MX2: variants seen among roughly 807,000 people sequenced by gnomAD.
The protein encoded by MX2 is MX dynamin like GTPase 2.
Under a neutral mutation model 74.0 loss-of-function variants are expected in MX2, and 51 were observed. That is an observed-to-expected ratio of 0.69 (90% CI 0.55 to 0.87). The LOEUF is 0.87. MX2 is among the 40% of genes least tolerant of loss of function. MX2 has a pLI of 0.00. For missense variants in MX2, 832 were observed against 908.7 expected, an observed-to-expected ratio of 0.92 and a Z score of 1.09; for synonymous variants, 369 against 339.3, an observed-to-expected ratio of 1.09 and a Z score of -0.96.
rs763913307 is a variant in MX2 at position 41,399,307 on chromosome 21, G to A, written c.1384G>A (p.Val462Ile). 40 of 1,614,010 alleles carry A rather than the reference G, an allele frequency of 2.5e-5. No homozygotes were observed. Among genetic ancestry groups the A allele is most frequent in the South Asian group, 2.0e-4 (18 of 91,082 alleles). ...AATCAGAGAGGATTTTAAAAACTGG[G>A]TAGGCATACTTGCAACTAATACCCA... ...NKIREDFKNWVGILATNTQKV... is the reference protein window; with the variant it reads ...NKIREDFKNWIGILATNTQKV... The change falls in exon 10 of 14, where the codon GTA becomes ATA. Residue 462 changes from valine to isoleucine, a missense_variant. By Grantham distance (29) the Val-to-Ile change is conservative (BLOSUM62 3). Transcript: ENST00000330714.
At chr21:41,395,847 T>G in intron 7 of MX2, 62 bp downstream of exon 7, 1 of 1,558,422 alleles carries the variant, frequency 6.4e-7, no homozygotes, top group Non-Finnish European at 8.8e-7. Flanking sequence ...TCTGCAAGAG[T>G]TGGCCCAGAT....
At chr21:41,401,465 A>G (rs1003536220) in intron 10 of MX2, 1 of 152,282 alleles carries the variant, frequency 6.6e-6, no homozygotes, top group African/African-American at 2.4e-5. Flanking sequence ...TCTTGCCGTC[A>G]CCCAGGCTGG....
chr21:41,392,629 G>A (rs961958380), intron 6 of MX2, among the ~76,000 whole-genome samples: 4 of 152,056 alleles, frequency 2.6e-5, no homozygotes, highest in Admixed American at 6.6e-5. Flanking sequence ...TTAATTACGC[G>A]AACTATAAAC....
chr21:41,405,029 C>T (rs1038855112), intron 12 of MX2, among the ~76,000 whole-genome samples: 1 of 152,086 alleles, frequency 6.6e-6, no homozygotes, highest in Non-Finnish European at 1.5e-5. Context: ...AAAGCCTAGG[C>T]CAGGTGTGGT....
Position 41,380,099 on chromosome 21 carries a change from C to T in MX2, c.525C>T (p.Asn175=). 1.2e-6 allele frequency: 2 copies of T among 1,614,012 alleles called. No individual in the cohort carries two copies. Among genetic ancestry groups the T allele is most frequent in the South Asian group, 1.1e-5 (1 of 91,080 alleles). ...GGGCCGGAAGGATCAGCTACCGGAACACCGAGCTAGAGCTTCAGGACCCTG... is the reference window on the plus strand; with the variant it reads ...GGGCCGGAAGGATCAGCTACCGGAATACCGAGCTAGAGCTTCAGGACCCTG... The part of the protein sequence containing the change: ...EAWAGRISYR[N]TELELQDPGQ... The change falls in exon 4 of 14, where the codon AAC becomes AAT. Residue 175 remains asparagine, a synonymous_variant. Coordinates refer to ENST00000330714, the MANE Select transcript of MX2 (RefSeq NM_002463.2). This position sits in a 1 kb window ranked among gnomAD's most constrained non-coding sequence, Gnocchi z 4.3.
chr21:41,403,047 A>G (rs1049569148), intron 11 of MX2: 1 of 508,574 alleles, frequency 2.0e-6, no homozygotes, highest in Admixed American at 3.2e-5. Context: ...AGGCACGGGA[A>G]ATGGACAGGA....
At chr21:41,392,429 G>C (rs566906617) in intron 6 of MX2, among the ~76,000 whole-genome samples, 89 of 152,328 alleles carry the variant, frequency 5.8e-4, no homozygotes, top group African/African-American at 2.1e-3. Flanking sequence ...CTAACACTGG[G>C]TGATTCTACC....
chr21:41,406,727 C>G lies in MX2; in HGVS notation c.1651-17C>G. The G allele has an allele frequency of 6.2e-7, 1 of 1,602,318 alleles. No homozygotes were observed. Among genetic ancestry groups the G allele is most frequent in the South Asian group, 1.1e-5 (1 of 89,182 alleles). On this transcript the variant is annotated splice_polypyrimidine_tract_variant and intron_variant, in intron 12 of 13. Coordinates refer to ENST00000330714, the MANE Select transcript of MX2 (RefSeq NM_002463.2). ...GAAGAAAAAGAAGTAATGTGTTTGT[C>G]TTTTTTATCTAACCAGAGCACGATT...
chr21:41,390,335 A>C (rs1013817747), intron 5 of MX2: 10 of 519,686 alleles, frequency 1.9e-5, no homozygotes, highest in Non-Finnish European at 3.1e-5. Context: ...GGTCTTCAGG[A>C]AAGAAGACAT....
intron 1 of MX2, among the ~76,000 whole-genome samples, chr21:41,362,524 G>A (rs116375661): frequency 0.017 from 2,547 of 151,918 alleles, 67 homozygotes; most frequent in African/African-American, 0.057. Flanking sequence ...CTCATGGGGC[G>A]GGGCAGGGCA....
chr21:41,362,823 A>T (rs1373364521), intron 1 of MX2, among the ~76,000 whole-genome samples: 4 of 124,286 alleles, frequency 3.2e-5, no homozygotes. Context: ...CAGTGGCGTG[A>T]TCATGGCTCA....
At chr21:41,401,844 C>G in intron 10 of MX2, 126 bp from the exon 11 acceptor site, 1 of 1,037,602 alleles carries the variant, frequency 9.6e-7, no homozygotes, top group Admixed American at 2.6e-5. Flanking sequence ...TCATTGTGAA[C>G]AAAACTCCAC....
chr21:41,375,324 T>G (rs1294199718), intron 1 of MX2, among the ~76,000 whole-genome samples: 1 of 152,276 alleles, frequency 6.6e-6, no homozygotes, highest in Non-Finnish European at 1.5e-5. Context: ...GGAAAGTGCC[T>G]GGCACATTCA....
chr21:41,379,117 G>A (rs748949289), intron 3 of MX2, among the ~76,000 whole-genome samples: 7 of 152,198 alleles, frequency 4.6e-5, no homozygotes, highest in Non-Finnish European at 7.3e-5. Flanking sequence ...AGCGTGTCCC[G>A]TAAGATGGCC....
At chr21:41,384,379 T>C (rs1363799426) in intron 5 of MX2, among the ~76,000 whole-genome samples, 1 of 152,210 alleles carries the variant, frequency 6.6e-6, no homozygotes, top group Non-Finnish European at 1.5e-5. Flanking sequence ...TCTGAGACAG[T>C]TTGATCTCAA....
chr21:41,390,782 G>A lies in MX2; in HGVS notation c.871+79G>A, dbSNP rs1201718181. On this transcript the variant is annotated intron_variant, in intron 6 of 13. Coordinates refer to ENST00000330714, the MANE Select transcript of MX2 (RefSeq NM_002463.2). ...GCACTTTGGGAGGCCAAGACGGGCG[G>A]ATCACGAGGTCAGGAGATTGAGAAC... 6 of 1,494,456 alleles carry A rather than the reference G, an allele frequency of 4.0e-6. No individual in the cohort carries two copies. The East Asian group carries it at 1.4e-4, about 34-fold the overall frequency. 92.6% of individuals were successfully genotyped at this position (1,494,456 alleles called of 1,614,324 possible).
chr21:41,381,686 A>G (rs1204591004), intron 4 of MX2, among the ~76,000 whole-genome samples: 2 of 115,306 alleles, frequency 1.7e-5, no homozygotes, highest in South Asian at 2.4e-4. Context: ...CTCTGTCTCA[A>G]AAAAAAAAAA....
intron 13 of MX2, 22 bp from the exon 14 acceptor site, chr21:41,407,969 C>G: frequency 6.2e-7 from 1 of 1,613,674 alleles, no homozygotes. Flanking sequence ...CTCCAGCAAA[C>G]CCTTCTTTCT....
intron 8 of MX2, among the ~76,000 whole-genome samples, chr21:41,398,090 A>T (rs1260676652): frequency 6.6e-6 from 1 of 152,110 alleles, no homozygotes; most frequent in African/African-American, 2.4e-5. Context: ...CCAGTGGATC[A>T]CCTGAGGTCA....
Sources: gnomAD v4.1 joint callset for allele counts (sites outside exome capture counted in the v4.1 genomes callset) on GRCh38, gnomAD v4.1.1 for gene constraint, Gnocchi (gnomAD v3.1) non-coding constraint, MANE v1.5 for transcripts, NCBI Gene and HGNC (gene_info 2026-07-23, HGNC 2026-07-21) for gene names.